AMPH: variants seen among roughly 807,000 people sequenced by gnomAD.
AMPH encodes the protein amphiphysin, also known as amphiphysin (Stiff-Mann syndrome with breast cancer 128kD autoantigen).
AMPH carries 49 observed loss-of-function variants against 99.1 expected under a neutral mutation model. That is an observed-to-expected ratio of 0.49 (90% confidence interval 0.39 to 0.63). The LOEUF (loss-of-function observed/expected upper bound fraction) is 0.63. AMPH is among the 20% of genes least tolerant of loss of function. The probability of loss-of-function intolerance (pLI) is 0.00; values close to 1 mark genes in which losing one functional copy is unlikely to be tolerated. For synonymous variants in AMPH, 314 were observed against 317.3 expected, an observed-to-expected ratio of 0.99 and a Z score of 0.11; for missense variants, 759 against 863.4, an observed-to-expected ratio of 0.88 and a Z score of 1.52.
Position 38,436,163 on chromosome 7 carries a change from A to C in AMPH, c.1134+109T>G, listed in dbSNP as rs1273918711. 5.0e-6 allele frequency: 4 copies of C among 806,638 alleles called. No homozygotes were observed. In the East Asian group the frequency reaches 1.0e-4, roughly 20 times the overall value. The allele number at this position is 806,638 out of a possible 1,614,324, so 50.0% of individuals were successfully genotyped here. A position where few individuals can be genotyped will look rare whatever the true frequency, so the allele number is the denominator to read the frequency against. Reference sequence around the variant, plus strand: ...TCCTATTAGGAAATATCTGTCAACCAAAAATAAAAATAGATAGTAGTCATG... The same window carrying C: ...TCCTATTAGGAAATATCTGTCAACCCAAAATAAAAATAGATAGTAGTCATG... On this transcript the variant is annotated intron_variant, in intron 12 of 20. Coordinates refer to ENST00000356264, the MANE Select transcript of AMPH (RefSeq NM_001635.4).
chr7:38,527,754 G>C (rs960053844), intron 2 of AMPH, among the ~76,000 whole-genome samples: 14 of 152,072 alleles, frequency 9.2e-5, no homozygotes. Context: ...TTATTGTACT[G>C]GCTAGGACTT....
chr7:38,559,008 T>C (rs1447219446), intron 1 of AMPH, among the ~76,000 whole-genome samples: 1 of 152,200 alleles, frequency 6.6e-6, no homozygotes, highest in Non-Finnish European at 1.5e-5. Context: ...ATATATAGAT[T>C]CTGAATCCAA....
At chr7:38,602,878 A>C (rs1440279713) in intron 1 of AMPH, among the ~76,000 whole-genome samples, 4 of 152,112 alleles carry the variant, frequency 2.6e-5, no homozygotes, top group African/African-American at 9.7e-5. Flanking sequence ...AGACTGCCCA[A>C]ATTAAGACAC....
chr7:38,454,361 T>C (rs904729818), intron 11 of AMPH, among the ~76,000 whole-genome samples: 26 of 152,220 alleles, frequency 1.7e-4, no homozygotes, highest in Non-Finnish European at 3.8e-4. Context: ...TCAGTAATTA[T>C]AGTACTGCAT....
At chr7:38,474,708 A>AT (rs1408962302) in intron 7 of AMPH, among the ~76,000 whole-genome samples, 1 of 152,206 alleles carries the variant, frequency 6.6e-6, no homozygotes, top group Non-Finnish European at 1.5e-5. Flanking sequence ...ATAAGGTCCT[A>AT]TTTCATCCAA....
chr7:38,453,835 T>G (rs1421596197), intron 11 of AMPH, among the ~76,000 whole-genome samples: 2 of 152,118 alleles, frequency 1.3e-5, no homozygotes, highest in Non-Finnish European at 2.9e-5. Flanking sequence ...AGCAACTGAG[T>G]AAGGGTATTG....
chr7:38,473,617 T>C lies in AMPH; in HGVS notation c.590+1714A>G, dbSNP rs1406342131. On this transcript the variant is annotated intron_variant, in intron 7 of 20. Transcript: ENST00000356264. ...TACTCGGGAGGCTGAGGCAGGAGAA[T>C]GGCGTGAACCCGGGAAGCGGAGCTT... 2.7e-4 allele frequency among the ~76,000 whole-genome samples: 26 copies of C among 97,374 alleles called. 7 individuals are homozygous for C. The highest frequency in any genetic ancestry group is 3.3e-4 in the Non-Finnish European group (17 of 52,008). The allele number at this position is 97,374 out of a possible 152,430, so 63.9% of individuals were successfully genotyped here. A position where few individuals can be genotyped will look rare whatever the true frequency, so the allele number is the denominator to read the frequency against.
chr7:38,543,917 AC>A (rs1179944394), intron 1 of AMPH, among the ~76,000 whole-genome samples: 19 of 152,314 alleles, frequency 1.2e-4, no homozygotes, highest in Non-Finnish European at 1.2e-4. Flanking sequence ...AAATCGCAAT[AC>A]CCATAAAGTA....
chr7:38,394,958 A>T (rs1784626362), intron 17 of AMPH, among the ~76,000 whole-genome samples: 1 of 152,200 alleles, frequency 6.6e-6, no homozygotes, highest in South Asian at 2.1e-4. Context: ...CACGTCACAG[A>T]TCCTCCTTTG....
intron 17 of AMPH, among the ~76,000 whole-genome samples, chr7:38,397,720 C>A (rs1784711124): frequency 6.6e-6 from 1 of 152,068 alleles, no homozygotes. Flanking sequence ...ACAAAGACAA[C>A]CTGCAGAATG....
At chr7:38,414,636 C>T (rs1328674886) in intron 17 of AMPH, among the ~76,000 whole-genome samples, 1 of 152,034 alleles carries the variant, frequency 6.6e-6, no homozygotes, top group African/African-American at 2.4e-5. Context: ...GATTCTCTAA[C>T]ACATATTGAA....
chr7:38,461,777 C>G (rs1434367164), intron 10 of AMPH, among the ~76,000 whole-genome samples: 1 of 152,178 alleles, frequency 6.6e-6, no homozygotes, highest in Non-Finnish European at 1.5e-5. Flanking sequence ...ATTAAAATTT[C>G]AAAACTAAAG....
intron 1 of AMPH, among the ~76,000 whole-genome samples, chr7:38,542,203 A>T (rs1790831449): frequency 6.6e-6 from 1 of 152,166 alleles, no homozygotes; most frequent in Non-Finnish European, 1.5e-5. Context: ...TTACTTTTTC[A>T]TGAACCTGAT....
intron 16 of AMPH, among the ~76,000 whole-genome samples, chr7:38,418,671 A>G (rs1473223653): frequency 6.6e-6 from 1 of 152,174 alleles, no homozygotes; most frequent in Non-Finnish European, 1.5e-5. Flanking sequence ...TCTCCCTCCA[A>G]CAAAATCCTT....
At chr7:38,558,004 CA>C (rs11423431) in intron 1 of AMPH, among the ~76,000 whole-genome samples, 212 of 133,814 alleles carry the variant, frequency 1.6e-3, no homozygotes, top group Middle Eastern at 3.8e-3. Context: ...AGCCCTGTAT[CA>C]AAAAAAAAAA....
At chr7:38,596,185 C>G (rs1434464734) in intron 1 of AMPH, among the ~76,000 whole-genome samples, 2 of 152,180 alleles carry the variant, frequency 1.3e-5, no homozygotes, top group African/African-American at 2.4e-5. Flanking sequence ...TGTGAGAGAA[C>G]AGCTACTGGT....
At chr7:38,525,275 TATAGAGAG>T (rs55868067) in intron 2 of AMPH, among the ~76,000 whole-genome samples, 12,420 of 85,730 alleles carry the variant, frequency 0.14, 533 homozygotes, top group Non-Finnish European at 0.17. Flanking sequence ...TATATATATA[TATAGAGAG>T]AGAGAGAGAG....
chr7:38,613,393 G>C (rs897856080), intron 1 of AMPH, among the ~76,000 whole-genome samples: 1 of 152,174 alleles, frequency 6.6e-6, no homozygotes, highest in African/African-American at 2.4e-5. Flanking sequence ...CTGCCCAGGG[G>C]CCAAATTGTA....
intron 5 of AMPH, 63 bp from the exon 6 acceptor site, chr7:38,477,032 C>T (rs1788113127): frequency 1.1e-5 from 16 of 1,457,962 alleles, no homozygotes; most frequent in Middle Eastern, 1.8e-4. Context: ...CCTTTGACAG[C>T]CAGGTGCCAA....
Sources: gnomAD v4.1 joint callset for allele counts (sites outside exome capture counted in the v4.1 genomes callset) on GRCh38, gnomAD v4.1.1 for gene constraint, MANE v1.5 for transcripts, NCBI Gene and HGNC (gene_info 2026-07-23, HGNC 2026-07-21) for gene names.